Variants in ASB7 observed in about 807,000 individuals in gnomAD.
ASB7 encodes ankyrin repeat and SOCS box containing 7.
A neutral mutation model predicts 32.5 loss-of-function variants in ASB7; 4 were observed. The observed-to-expected ratio is 0.12, with a 90% CI of 0.06 to 0.28. The LOEUF is 0.28. ASB7 is among the 10% of genes least tolerant of loss of function. ASB7 has a pLI of 1.00. For synonymous variants in ASB7, 172 were observed against 155.6 expected (o/e 1.11, Z -0.78); for missense variants, 181 against 407.1 (o/e 0.44, Z 4.78).
At chr15:100,634,434 C>T (rs1481723683) in intron 5 of ASB7, among the ~76,000 whole-genome samples, 1 of 152,178 alleles carries the variant, frequency 6.6e-6, no homozygotes. Flanking sequence ...AATGCTTAAG[C>T]ACAAATTATA....
chr15:100,623,798 A>G (rs1043894827), intron 4 of ASB7, among the ~76,000 whole-genome samples: 5 of 152,246 alleles, frequency 3.3e-5, no homozygotes, highest in Admixed American at 3.3e-4. Context: ...TTTCTCAAAT[A>G]AACTAAAAAT....
chr15:100,625,801 T>A lies in ASB7; in HGVS notation c.212-3636T>A, dbSNP rs554819329. Among the ~76,000 whole-genome samples the A allele has an allele frequency of 2.5e-4, 38 of 152,240 alleles. 1 individual carries two copies. The South Asian group carries it at 6.2e-3, about 25-fold the overall frequency. ...ATAAGCTACAGTAGTCAAGACAGTG[T>A]GGGATTGGTGTATGGAGAGACTTTT... On this transcript the variant is annotated intron_variant, in intron 4 of 5. Coordinates refer to ENST00000332783, the MANE Select transcript of ASB7 (RefSeq NM_198243.3).
chr15:100,649,619 G>C lies in ASB7; in HGVS notation c.*1157G>C, dbSNP rs1597015173. 6.6e-6 allele frequency: 1 copy of C among 152,142 alleles called. No homozygotes were observed. Among genetic ancestry groups the C allele is most frequent in the Non-Finnish European group, 1.5e-5 (1 of 68,030 alleles). 9.4% of individuals were successfully genotyped at this position (152,142 alleles called of 1,614,324 possible). A position where few individuals can be genotyped will look rare whatever the true frequency, so the allele number is the denominator to read the frequency against. On this transcript the variant is annotated 3_prime_UTR_variant, in exon 6 of 6. Coordinates refer to ENST00000332783, the MANE Select transcript of ASB7 (RefSeq NM_198243.3). The stretch of plus-strand genomic sequence containing the variant: ...GCTAATTAAACATTTCCCATTTTAA[G>C]GTTATATACAGTGAGGCTCTTCAGG...
At chr15:100,608,190 G>A (rs2039663805) in intron 2 of ASB7, among the ~76,000 whole-genome samples, 1 of 152,164 alleles carries the variant, frequency 6.6e-6, no homozygotes, top group South Asian at 2.1e-4. Flanking sequence ...TCATCACTGG[G>A]GACACTGATT....
intron 5 of ASB7, among the ~76,000 whole-genome samples, chr15:100,638,735 A>T (rs1022077496): frequency 6.6e-6 from 1 of 152,228 alleles, no homozygotes; most frequent in Non-Finnish European, 1.5e-5. Flanking sequence ...CAGGTTTGTT[A>T]CATAGGTATA....
At chr15:100,618,392 G>A (rs1207728483) in intron 4 of ASB7, among the ~76,000 whole-genome samples, 2 of 152,108 alleles carry the variant, frequency 1.3e-5, no homozygotes, top group South Asian at 2.1e-4. Flanking sequence ...TGGAATTACA[G>A]GCATGAGCCA....
Position 100,645,786 on chromosome 15 carries a change from T to A in ASB7, c.818-2537T>A. On this transcript the variant is annotated intron_variant, in intron 5 of 5. Coordinates refer to ENST00000332783, the MANE Select transcript of ASB7 (RefSeq NM_198243.3). ...GAATAGGAAATACAATTAAACACTT[T>A]ATTTCCTGTAAAGTTGACTTAAGAT... The A allele has an allele frequency of 8.3e-6, 13 of 1,562,350 alleles. No homozygotes were observed. The South Asian group carries it at 1.2e-4, about 15-fold the overall frequency.
At chr15:100,607,566 G>T (rs2141385798) in intron 2 of ASB7, among the ~76,000 whole-genome samples, 1 of 152,320 alleles carries the variant, frequency 6.6e-6, no homozygotes, top group Non-Finnish European at 1.5e-5. Flanking sequence ...ACTAGTACAT[G>T]CAGGGAGTAC....
chr15:100,646,281 C>T, intron 5 of ASB7: 1 of 393,206 alleles, frequency 2.5e-6, no homozygotes, highest in Non-Finnish European at 5.1e-6. Flanking sequence ...CTTCCAAGGA[C>T]CAGATTCGAG....
Position 100,602,795 on chromosome 15 carries a change from G to T in ASB7, c.-524G>T, listed in dbSNP as rs2039562232. 1 of 391,238 alleles carries T rather than the reference G, an allele frequency of 2.6e-6. No homozygotes were observed. The highest frequency in any genetic ancestry group is 4.5e-6 in the Non-Finnish European group (1 of 222,118). 24.2% of individuals were successfully genotyped at this position (391,238 alleles called of 1,614,324 possible). A position where few individuals can be genotyped will look rare whatever the true frequency, so the allele number is the denominator to read the frequency against. ...CCCCCTGCTCCGAGCCCTGGACCGG[G>T]ACTGCCCCCCCACCCGAGCCAGGAC... On this transcript the variant is annotated 5_prime_UTR_variant, in exon 1 of 6. Coordinates refer to ENST00000332783, the MANE Select transcript of ASB7 (RefSeq NM_198243.3).
At chr15:100,613,341 G>A (rs1418417236) in intron 4 of ASB7, among the ~76,000 whole-genome samples, 1 of 152,216 alleles carries the variant, frequency 6.6e-6, no homozygotes, top group East Asian at 1.9e-4. Flanking sequence ...TCTTATGAGG[G>A]TCATGTGAAT....
intron 3 of ASB7, among the ~76,000 whole-genome samples, chr15:100,610,839 GGGA>G (rs2039689993): frequency 6.6e-6 from 1 of 152,166 alleles, no homozygotes; most frequent in African/African-American, 2.4e-5. Flanking sequence ...TAGAAACAAA[GGGA>G]CTACTAGTTA....
chr15:100,642,122 TTAGTC>T (rs1475385683), intron 5 of ASB7, among the ~76,000 whole-genome samples: 4 of 152,110 alleles, frequency 2.6e-5, no homozygotes, highest in Non-Finnish European at 5.9e-5. Context: ...AAAAGAAAAA[TTAGTC>T]TAGAGCATTT....
intron 5 of ASB7, among the ~76,000 whole-genome samples, chr15:100,641,927 AAGATCAC>A: frequency 6.6e-6 from 1 of 152,352 alleles, no homozygotes; most frequent in South Asian, 2.1e-4. Context: ...TAAGGAGCCC[AAGATCAC>A]AGAGACTGCA....
At chr15:100,647,853 A>G (rs958291358) in intron 5 of ASB7, among the ~76,000 whole-genome samples, 1 of 152,170 alleles carries the variant, frequency 6.6e-6, no homozygotes, top group Non-Finnish European at 1.5e-5. Flanking sequence ...GAGGCTCACA[A>G]TAGGGGACAT....
Position 100,602,678 on chromosome 15 carries a change from G to T in ASB7, c.-641G>T. On this transcript the variant is annotated 5_prime_UTR_variant, in exon 1 of 6. Coordinates refer to ENST00000332783, the MANE Select transcript of ASB7 (RefSeq NM_198243.3). ...CCCCTGTCCGGAGACCCCACGGCTG[G>T]CACTTCGGGCCCCGTATGACCTGGG... 1 of 306,900 alleles carries T rather than the reference G, an allele frequency of 3.3e-6. No homozygotes were observed. Among genetic ancestry groups the T allele is most frequent in the Non-Finnish European group, 5.9e-6 (1 of 168,688 alleles). The allele number at this position is 306,900 out of a possible 1,614,324, so 19.0% of individuals were successfully genotyped here.
Position 100,602,935 on chromosome 15 carries a change from G to A in ASB7, c.-384G>A, listed in dbSNP as rs547061523. On this transcript the variant is annotated 5_prime_UTR_variant, in exon 1 of 6. Transcript: ENST00000332783. ...CGGGCTGGGGCCGTGAGGCACCGAG[G>A]AGGATCAGGAACACCAGGGTCCGGC... 4.8e-5 allele frequency: 19 copies of A among 399,040 alleles called. No individual in the cohort carries two copies. The South Asian group carries it at 1.8e-3, about 37-fold the overall frequency. The allele number at this position is 399,040 out of a possible 1,614,324, so 24.7% of individuals were successfully genotyped here. A position where few individuals can be genotyped will look rare whatever the true frequency, so the allele number is the denominator to read the frequency against.
At chr15:100,646,404 T>A (rs2039997434) in intron 5 of ASB7, 1 of 403,028 alleles carries the variant, frequency 2.5e-6, no homozygotes, top group South Asian at 2.0e-5. Flanking sequence ...TCTCCGCGTA[T>A]TCTCTTTCCA....
At chr15:100,607,295 T>G (rs534728744) in intron 2 of ASB7, among the ~76,000 whole-genome samples, 19 of 152,338 alleles carry the variant, frequency 1.2e-4, no homozygotes, top group African/African-American at 3.8e-4. Context: ...CCTCTGTTGT[T>G]TTTTAATAGA....
Sources: allele counts gnomAD v4.1 joint callset (sites outside exome capture counted in the v4.1 genomes callset), GRCh38; gene constraint gnomAD v4.1.1; transcripts MANE v1.5; gene names NCBI Gene and HGNC (gene_info 2026-07-23, HGNC 2026-07-21).